SBF2: variants seen among roughly 807,000 people sequenced by gnomAD.
The protein encoded by SBF2 is myotubularin-related protein 13.
In SBF2, 112 loss-of-function variants were observed where a neutral mutation model predicts 225.2. The observed-to-expected ratio is 0.50, with a 90% CI of 0.43 to 0.58. The LOEUF (loss-of-function observed/expected upper bound fraction) is 0.58, where lower values mean the gene tolerates loss of function less well. SBF2 is among the 20% of genes least tolerant of loss of function. SBF2 has a pLI of 0.00. For synonymous variants in SBF2, 763 were observed against 773.3 expected, an observed-to-expected ratio of 0.99 and a Z score of 0.22; for missense variants, 1,996 against 2,206.2, an observed-to-expected ratio of 0.90 and a Z score of 1.91.
intron 1 of SBF2, among the ~76,000 whole-genome samples, chr11:10,258,960 A>T (rs2135507357): frequency 6.6e-6 from 1 of 152,354 alleles, no homozygotes; most frequent in South Asian, 2.1e-4. Context: ...GGCAGGGAAC[A>T]GAGAAGGCAT....
At chr11:9,995,842 T>C (rs1168606219) in intron 9 of SBF2, among the ~76,000 whole-genome samples, 2 of 128,142 alleles carry the variant, frequency 1.6e-5, no homozygotes, top group Non-Finnish European at 3.4e-5. Flanking sequence ...TTTTTTTTGG[T>C]AGAGACGGGG....
chr11:9,787,451 C>T (rs1389348196), intron 36 of SBF2, among the ~76,000 whole-genome samples, 183 bp downstream of exon 36: 1 of 152,132 alleles, frequency 6.6e-6, no homozygotes, highest in Non-Finnish European at 1.5e-5. Context: ...GTGAGACACT[C>T]AGGAAGTATT....
At chr11:10,109,839 A>G (rs1001593508) in intron 2 of SBF2, among the ~76,000 whole-genome samples, 2 of 152,234 alleles carry the variant, frequency 1.3e-5, no homozygotes, top group African/African-American at 2.4e-5. Context: ...TTAAATGTAA[A>G]CAGTGTTTTC....
At chr11:9,996,529 A>T (rs527601894) in intron 9 of SBF2, among the ~76,000 whole-genome samples, 55 of 152,284 alleles carry the variant, frequency 3.6e-4, no homozygotes, top group African/African-American at 1.3e-3. Flanking sequence ...AGCTGGGATT[A>T]CAGGCGTGCG....
At chr11:10,080,248 C>CAAAAAAAAAAAAAAAAAAAAAAAAAA (rs34181436) in intron 2 of SBF2, among the ~76,000 whole-genome samples, 1 of 82,226 alleles carries the variant, frequency 1.2e-5, no homozygotes. Context: ...AACTCTGTCT[C>CAAAAAAAAAAAAAAAAAAAAAAAAAA]AAAAAAAAAA....
chr11:9,869,685 A>C (rs1438908623), intron 17 of SBF2, among the ~76,000 whole-genome samples: 1 of 152,194 alleles, frequency 6.6e-6, no homozygotes, highest in African/African-American at 2.4e-5. Flanking sequence ...TAAACTAGGT[A>C]TTGAAGGAAC....
intron 2 of SBF2, among the ~76,000 whole-genome samples, chr11:10,061,714 C>T (rs530909685): frequency 2.2e-4 from 33 of 152,248 alleles, no homozygotes; most frequent in African/African-American, 5.8e-4. Context: ...AATGGAAAAA[C>T]ATCCCATGCT....
intron 1 of SBF2, among the ~76,000 whole-genome samples, chr11:10,196,876 T>TTTTTTTTTC (rs71034756): frequency 1.9e-4 from 23 of 119,108 alleles, no homozygotes; most frequent in African/African-American, 7.0e-4. Context: ...ATTTTTTTTT[T>TTTTTTTTTC]CCTACAAAAT....
chr11:9,782,244 G>C (rs1396686770), intron 38 of SBF2, among the ~76,000 whole-genome samples: 1 of 151,204 alleles, frequency 6.6e-6, no homozygotes, highest in African/African-American at 2.4e-5. Context: ...TATAAAAAGA[G>C]GGCTAATGTT....
chr11:10,070,705 T>C (rs905231452), intron 2 of SBF2, among the ~76,000 whole-genome samples: 1 of 152,190 alleles, frequency 6.6e-6, no homozygotes, highest in African/African-American at 2.4e-5. Context: ...AGAAAGTCAT[T>C]GGTAGCTTGA....
At chr11:10,296,323 G>A (rs947392959), upstream of SBF2, among the ~76,000 whole-genome samples, 8 of 152,080 alleles carry the variant, frequency 5.3e-5, no homozygotes, top group Non-Finnish European at 1.0e-4. Flanking sequence ...AGACATACCC[G>A]AGACTAGGTA....
intron 2 of SBF2, among the ~76,000 whole-genome samples, chr11:10,080,836 C>T (rs1199523167): frequency 6.6e-6 from 1 of 151,930 alleles, no homozygotes; most frequent in Non-Finnish European, 1.5e-5. Flanking sequence ...ACAAAACAGA[C>T]TTTACATCAA....
intron 2 of SBF2, among the ~76,000 whole-genome samples, chr11:10,129,498 A>C (rs919057440): frequency 5.3e-5 from 8 of 152,206 alleles, no homozygotes; most frequent in Non-Finnish European, 8.8e-5. Context: ...AAAATAAATT[A>C]TAAGTAAGGC....
chr11:10,173,819 C>T (rs1353923454), intron 2 of SBF2, among the ~76,000 whole-genome samples: 12 of 149,732 alleles, frequency 8.0e-5, no homozygotes, highest in African/African-American at 3.0e-4. Flanking sequence ...GATCTGAGAA[C>T]AGGCAGACTG....
Position 9,968,479 on chromosome 11 carries a change from C to G in SBF2, c.1462G>C (p.Val488Leu). 5 of 1,614,074 alleles carry G rather than the reference C, an allele frequency of 3.1e-6. No homozygotes were observed. Among genetic ancestry groups the G allele is most frequent in the South Asian group, 2.2e-5 (2 of 91,068 alleles). The part of the protein sequence containing the change: ...PRPTEGSHLR[V>L]HILPFPEINE... Reference sequence around the variant, plus strand: ...ATCTCTGGGAAAGGAAGAATATGAACTCGCAAATGGGATCCTTCTGTTGGC... The same window carrying G: ...ATCTCTGGGAAAGGAAGAATATGAAGTCGCAAATGGGATCCTTCTGTTGGC... The change falls in exon 14 of 40, where the codon GTT becomes CTT. Residue 488 changes from valine (V) to leucine (L), a missense_variant. Transcript: ENST00000256190.
intron 2 of SBF2, among the ~76,000 whole-genome samples, chr11:10,116,636 A>C (rs1590991840): frequency 6.6e-6 from 1 of 152,102 alleles, no homozygotes; most frequent in African/African-American, 2.4e-5. Context: ...TGGCTTCATT[A>C]GTTTATACAA....
chr11:10,012,602 G>A (rs1948499275), intron 6 of SBF2, among the ~76,000 whole-genome samples: 1 of 152,000 alleles, frequency 6.6e-6, no homozygotes, highest in Non-Finnish European at 1.5e-5. Flanking sequence ...ATTTATAACA[G>A]CTGATTTAAA....
At chr11:10,212,025 C>G (rs1488426010) in intron 1 of SBF2, among the ~76,000 whole-genome samples, 1 of 152,146 alleles carries the variant, frequency 6.6e-6, no homozygotes, top group African/African-American at 2.4e-5. Context: ...CAGGCTGAAC[C>G]TTTCAAGTCT....
chr11:9,840,144 GA>G (rs1856018294), intron 25 of SBF2, among the ~76,000 whole-genome samples: 1 of 151,736 alleles, frequency 6.6e-6, no homozygotes, highest in Admixed American at 6.6e-5. Flanking sequence ...TGAGGCAGGA[GA>G]ATCACTTGAA....
Sources: allele counts gnomAD v4.1 joint callset (sites outside exome capture counted in the v4.1 genomes callset), GRCh38; gene constraint gnomAD v4.1.1; transcripts MANE v1.5; gene names NCBI Gene and HGNC (gene_info 2026-07-23, HGNC 2026-07-21).